Variants in ROBO2 observed in about 807,000 individuals in gnomAD.
ROBO2 encodes roundabout homolog 2.
In ROBO2, 53 loss-of-function variants were observed where a neutral mutation model predicts 160.8. The observed-to-expected ratio is 0.33, with a 90% CI of 0.26 to 0.41. ROBO2 has a LOEUF of 0.41. Ranked by LOEUF, ROBO2 falls within the 10% of genes least tolerant of loss-of-function variation. The probability of loss-of-function intolerance (pLI) is 1.00; values close to 1 mark genes in which losing one functional copy is unlikely to be tolerated. For synonymous variants in ROBO2, 664 were observed against 611.7 expected, an observed-to-expected ratio of 1.09 and a Z score of -1.26; for missense variants, 1,577 against 1,722.4, an observed-to-expected ratio of 0.92 and a Z score of 1.49.
intron 22 of ROBO2, among the ~76,000 whole-genome samples, chr3:77,619,073 G>A (rs892944057): frequency 6.6e-6 from 1 of 152,150 alleles, no homozygotes; most frequent in Admixed American, 6.5e-5. Flanking sequence ...CCCAGAGAAA[G>A]ATTCTGACTG....
At chr3:77,144,429 A>C (rs1037270697) in intron 2 of ROBO2, among the ~76,000 whole-genome samples, 7 of 152,146 alleles carry the variant, frequency 4.6e-5, no homozygotes, top group African/African-American at 1.7e-4. Flanking sequence ...ATTTCTTGAG[A>C]ATCTGTTCCG....
At chr3:77,373,114 T>G (rs191799033) in intron 2 of ROBO2, among the ~76,000 whole-genome samples, 1 of 147,084 alleles carries the variant, frequency 6.8e-6, no homozygotes, top group Non-Finnish European at 1.5e-5. Flanking sequence ...ATTTTAAAAT[T>G]ATTATAAAAG....
chr3:76,779,938 T>G (rs1340155030), intron 2 of ROBO2, among the ~76,000 whole-genome samples: 2 of 150,988 alleles, frequency 1.3e-5, no homozygotes, highest in Non-Finnish European at 1.5e-5. Context: ...TGGATCATAT[T>G]GTAGTTCTAT....
chr3:77,220,997 A>C (rs1264507518), intron 2 of ROBO2, among the ~76,000 whole-genome samples: 2 of 152,234 alleles, frequency 1.3e-5, no homozygotes, highest in Non-Finnish European at 2.9e-5. Context: ...TTGAGTGTTA[A>C]ATACCATTGT....
At chr3:77,335,205 G>A (rs57230483) in intron 2 of ROBO2, among the ~76,000 whole-genome samples, 5,470 of 152,168 alleles carry the variant, frequency 0.036, 328 homozygotes, top group African/African-American at 0.12. Context: ...ACAGGAGTCC[G>A]AGACCAGCCT....
chr3:76,848,923 G>A (rs563662969), intron 2 of ROBO2, among the ~76,000 whole-genome samples: 5 of 151,992 alleles, frequency 3.3e-5, no homozygotes, highest in Admixed American at 6.6e-5. Flanking sequence ...AGAAAAATTC[G>A]CATTTGGCAA....
chr3:76,671,872 A>G (rs2092274617), intron 2 of ROBO2, among the ~76,000 whole-genome samples: 1 of 152,018 alleles, frequency 6.6e-6, no homozygotes, highest in Admixed American at 6.6e-5. Context: ...TTTAATCTAG[A>G]AGCCTTAATT....
intron 2 of ROBO2, among the ~76,000 whole-genome samples, chr3:76,517,091 A>T (rs1166537223): frequency 6.6e-6 from 1 of 152,194 alleles, no homozygotes; most frequent in Non-Finnish European, 1.5e-5. Flanking sequence ...TCTATATCAT[A>T]TGACTTTCTT....
intron 2 of ROBO2, among the ~76,000 whole-genome samples, chr3:76,037,171 C>T (rs1055902186): frequency 6.6e-6 from 1 of 151,860 alleles, no homozygotes; most frequent in African/African-American, 2.4e-5. Context: ...TCATCTGCAT[C>T]ATCCTGATAC....
chr3:76,103,180 G>T (rs1427322548), intron 2 of ROBO2, among the ~76,000 whole-genome samples: 3 of 152,158 alleles, frequency 2.0e-5, no homozygotes, highest in Non-Finnish European at 2.9e-5. Context: ...GAAGTTTCCA[G>T]GTACAGGAGA....
At chr3:76,252,782 CACACACACACA>C (rs1559686350) in intron 2 of ROBO2, among the ~76,000 whole-genome samples, 1 of 151,368 alleles carries the variant, frequency 6.6e-6, no homozygotes, top group African/African-American at 2.4e-5. Flanking sequence ...CACACACACA[CACACACACACA>C]GAGTTTTTTT....
intron 2 of ROBO2, among the ~76,000 whole-genome samples, chr3:76,990,765 TG>T (rs2060621262): frequency 2.6e-5 from 4 of 152,200 alleles, no homozygotes; most frequent in Middle Eastern, 3.4e-3. Context: ...TCTCAGGAGT[TG>T]GGTGAATGGG....
intron 2 of ROBO2, among the ~76,000 whole-genome samples, chr3:77,030,643 T>A (rs779140219): frequency 6.6e-6 from 1 of 152,102 alleles, no homozygotes; most frequent in Non-Finnish European, 1.5e-5. Context: ...TAGAGAAAAA[T>A]TGGTTCTCGT....
chr3:76,454,488 G>A (rs1000385791), intron 2 of ROBO2, among the ~76,000 whole-genome samples: 11 of 152,124 alleles, frequency 7.2e-5, no homozygotes, highest in Admixed American at 6.6e-4. Context: ...AAAGGTGGTT[G>A]GAGATCAGGA....
intron 2 of ROBO2, among the ~76,000 whole-genome samples, chr3:77,221,197 T>A (rs1262241814): frequency 1.3e-5 from 2 of 152,196 alleles, no homozygotes; most frequent in African/African-American, 4.8e-5. Context: ...CTGGGCACCC[T>A]CTGCCAGTGC....
chr3:76,003,017 A>G (rs1356288620), intron 2 of ROBO2, among the ~76,000 whole-genome samples: 1 of 152,188 alleles, frequency 6.6e-6, no homozygotes, highest in Non-Finnish European at 1.5e-5. Context: ...GCAGTACTCT[A>G]TCTATCCTTT....
intron 1 of ROBO2, among the ~76,000 whole-genome samples, chr3:77,055,756 A>G (rs2065678646): frequency 6.6e-6 from 1 of 151,876 alleles, no homozygotes; most frequent in African/African-American, 2.4e-5. Flanking sequence ...CCCATTCCTG[A>G]TTGGTTTATT....
chr3:76,528,923 C>T (rs1002437219), intron 2 of ROBO2, among the ~76,000 whole-genome samples: 1 of 152,002 alleles, frequency 6.6e-6, no homozygotes, highest in African/African-American at 2.4e-5. Context: ...AAGGAAAGGT[C>T]CACAGTCTCA....
intron 2 of ROBO2, among the ~76,000 whole-genome samples, chr3:77,306,791 T>C (rs997448886): frequency 2.0e-5 from 3 of 152,196 alleles, no homozygotes; most frequent in African/African-American, 7.2e-5. Context: ...GAATGTTTAA[T>C]CTTAGAATGG....
Sources: gnomAD v4.1 joint callset for allele counts (sites outside exome capture counted in the v4.1 genomes callset) on GRCh38, gnomAD v4.1.1 for gene constraint, MANE v1.5 for transcripts, NCBI Gene and HGNC (gene_info 2026-07-23, HGNC 2026-07-21) for gene names.